RBFOX3: variants seen among roughly 807,000 people sequenced by gnomAD.
RBFOX3 encodes RNA binding protein fox-1 homolog 3.
In RBFOX3, 17 loss-of-function variants were observed where a neutral mutation model predicts 48.7. That is an observed-to-expected ratio of 0.35 (90% CI 0.24 to 0.52). RBFOX3 has a LOEUF of 0.52. RBFOX3 is among the 20% of genes least tolerant of loss of function. The pLI is 0.94. For missense variants in RBFOX3, 382 were observed against 497.5 expected (o/e 0.77, Z 2.21); for synonymous variants, 212 against 209.5 (o/e 1.01, Z -0.10).
At chr17:79,656,808 AAAGAAAGAG>A in the RBFOX3 span, among the ~76,000 whole-genome samples, 2,012 of 6,926 alleles carry the variant, frequency 0.29, 84 homozygotes, top group Non-Finnish European at 0.31. Flanking sequence ...GAAAGAAAGA[AAAGAAAGAG>A]AAAGAAAGAA....
intron 3 of RBFOX3, among the ~76,000 whole-genome samples, chr17:79,238,064 G>A (rs2061851407): frequency 6.6e-6 from 1 of 152,204 alleles, no homozygotes; most frequent in South Asian, 2.1e-4. Flanking sequence ...AGCCTCCGAA[G>A]TAGCTGGGAT....
rs540321097 is a variant in RBFOX3, at chr17:79,167,924, C to A, written c.-33-52176G>T. Reference sequence around the variant, plus strand: ...GCTCTATGGATTTCCGAGGAGGGGGCAGGACAAAGATGGGCCTCCCCCAGG... The same window carrying A: ...GCTCTATGGATTTCCGAGGAGGGGGAAGGACAAAGATGGGCCTCCCCCAGG... On this transcript the variant is annotated intron_variant, in intron 4 of 14. Transcript: ENST00000693108. Among the ~76,000 whole-genome samples the A allele has an allele frequency of 5.2e-4, 79 of 152,354 alleles. 1 individual carries two copies. The highest frequency in any genetic ancestry group is 1.9e-3 in the African/African-American group (78 of 41,590).
chr17:79,652,867 C>A, the RBFOX3 span, among the ~76,000 whole-genome samples: 1 of 151,982 alleles, frequency 6.6e-6, no homozygotes, highest in African/African-American at 2.4e-5. Flanking sequence ...TAAGACCATT[C>A]CAAGTGTCCA....
intron 1 of RBFOX3, among the ~76,000 whole-genome samples, chr17:79,596,610 T>C (rs921928063): frequency 6.6e-6 from 1 of 152,042 alleles, no homozygotes; most frequent in African/African-American, 2.4e-5. Flanking sequence ...CAAATGTTGA[T>C]TGAGAATGGA....
rs1387451068 is a variant in RBFOX3 at position 79,103,413 on chromosome 17, C to T, written c.415-159G>A. ...TGAGTTGAGGCAGAGACGCAGGCAG[C>T]CCAGAGGTCTGTCCTAGGGCCACCG... On this transcript the variant is annotated intron_variant, in intron 7 of 14. Coordinates refer to ENST00000693108, the MANE Select transcript of RBFOX3 (RefSeq NM_001350451.2). This position sits in a 1 kb window ranked among gnomAD's most constrained non-coding sequence, Gnocchi z 6.1. Among the ~76,000 whole-genome samples the T allele has an allele frequency of 6.6e-6, 1 of 152,036 alleles. No individual in the cohort carries two copies. The highest frequency in any genetic ancestry group is 1.5e-5 in the Non-Finnish European group (1 of 67,970).
At chr17:79,614,300 C>T (rs1365007123), upstream of RBFOX3, among the ~76,000 whole-genome samples, 19 of 151,904 alleles carry the variant, frequency 1.3e-4, no homozygotes, top group African/African-American at 4.6e-4. Flanking sequence ...GCACGGAGAG[C>T]CCCCCTTTTC....
intron 2 of RBFOX3, among the ~76,000 whole-genome samples, chr17:79,438,373 G>T (rs1406313103): frequency 6.6e-6 from 1 of 152,184 alleles, no homozygotes; most frequent in African/African-American, 2.4e-5. Flanking sequence ...GTTTTTCATG[G>T]AAGGATCAAG....
intron 2 of RBFOX3, among the ~76,000 whole-genome samples, chr17:79,462,206 T>G (rs782345132): frequency 6.6e-6 from 1 of 152,164 alleles, no homozygotes; most frequent in Non-Finnish European, 1.5e-5. Context: ...CCGCAAATAG[T>G]ACGTGGCCAA....
chr17:79,104,001 G>A (rs1016907594), intron 7 of RBFOX3, 72 bp downstream of exon 7: 6 of 1,339,122 alleles, frequency 4.5e-6, no homozygotes, highest in Admixed American at 2.0e-5. Flanking sequence ...GGAAGGAAAC[G>A]CACATTTCAC....
At chr17:79,539,163 GCAA>G (rs2089307044) in intron 1 of RBFOX3, among the ~76,000 whole-genome samples, 1 of 152,144 alleles carries the variant, frequency 6.6e-6, no homozygotes, top group African/African-American at 2.4e-5. Flanking sequence ...ACCAGCCTGG[GCAA>G]CATAGCAAAA....
chr17:79,450,259 C>G (rs1555740707), intron 2 of RBFOX3, among the ~76,000 whole-genome samples: 2 of 152,212 alleles, frequency 1.3e-5, no homozygotes. Context: ...GGAAAAGAGG[C>G]CATTTCCAAT....
chr17:79,392,026 T>C lies in RBFOX3; in HGVS notation c.-174-84202A>G, dbSNP rs1413251305. Among the ~76,000 whole-genome samples the C allele has an allele frequency of 2.0e-5, 3 of 152,108 alleles. No homozygotes were observed. Among genetic ancestry groups the C allele is most frequent in the Admixed American group, 6.5e-5 (1 of 15,274 alleles). On this transcript the variant is annotated intron_variant, in intron 2 of 14. Coordinates refer to ENST00000693108, the MANE Select transcript of RBFOX3 (RefSeq NM_001350451.2). This position sits in a 1 kb window ranked among gnomAD's most constrained non-coding sequence, Gnocchi z 5.0. ...CCCGCGATGGTCAGGCTTTCTGCCGTCTTGGAAACAGACACCGACAAGCAA... is the reference window on the plus strand; with the variant it reads ...CCCGCGATGGTCAGGCTTTCTGCCGCCTTGGAAACAGACACCGACAAGCAA...
intron 4 of RBFOX3, among the ~76,000 whole-genome samples, chr17:79,229,097 C>G (rs189166645): frequency 4.6e-4 from 69 of 151,314 alleles, no homozygotes; most frequent in Non-Finnish European, 9.6e-4. Flanking sequence ...GGCGTGGTGG[C>G]ATACGCCTGT....
At chr17:79,527,603 T>C (rs1160004344) in intron 1 of RBFOX3, among the ~76,000 whole-genome samples, 2 of 152,226 alleles carry the variant, frequency 1.3e-5, no homozygotes, top group Non-Finnish European at 2.9e-5. Context: ...TTTCTATACA[T>C]TATTCCCTCC....
chr17:79,558,859 T>C (rs2091973322), intron 1 of RBFOX3, among the ~76,000 whole-genome samples: 1 of 152,004 alleles, frequency 6.6e-6, no homozygotes, highest in Non-Finnish European at 1.5e-5. Context: ...AGGGCCAGCA[T>C]GGAGGGCACA....
Position 79,402,959 on chromosome 17 carries a change from G to C in RBFOX3, c.-175+79495C>G, listed in dbSNP as rs999628188. Among the ~76,000 whole-genome samples, 3 of 152,172 alleles carry C rather than the reference G, an allele frequency of 2.0e-5. No homozygotes were observed. The East Asian group carries it at 5.8e-4, about 29-fold the overall frequency. The stretch of plus-strand genomic sequence containing the variant: ...ACAGGACGTGCCCGGCAAAGAGAAG[G>C]CTCATCAGGATCGCCATCAGATCAT... On this transcript the variant is annotated intron_variant, in intron 2 of 14. Transcript: ENST00000693108.
intron 2 of RBFOX3, among the ~76,000 whole-genome samples, chr17:79,478,153 T>C (rs1048855112): frequency 2.0e-5 from 3 of 151,980 alleles, no homozygotes; most frequent in African/African-American, 7.3e-5. Flanking sequence ...CCCTCAAGGG[T>C]GCCATGCTCC....
intron 4 of RBFOX3, among the ~76,000 whole-genome samples, chr17:79,215,613 T>G (rs1009998273): frequency 5.3e-5 from 8 of 152,006 alleles, no homozygotes; most frequent in Admixed American, 3.3e-4. Context: ...ACCCCTGGTG[T>G]GCGGGGACTC....
chr17:79,172,362 G>A lies in RBFOX3; in HGVS notation c.-33-56614C>T, dbSNP rs542434196. Among the ~76,000 whole-genome samples the A allele has an allele frequency of 8.5e-5, 13 of 152,268 alleles. No homozygotes were observed. The East Asian group carries it at 2.5e-3, about 29-fold the overall frequency. ...ATTTTGCCCACTTTGCCACAGGTAG[G>A]TGAAACCTTTGTCACAGACACAGCG... On this transcript the variant is annotated intron_variant, in intron 4 of 14. Transcript: ENST00000693108.
Sources: gnomAD v4.1 joint callset for allele counts (sites outside exome capture counted in the v4.1 genomes callset) on GRCh38, gnomAD v4.1.1 for gene constraint, Gnocchi (gnomAD v3.1) non-coding constraint, MANE v1.5 for transcripts, NCBI Gene and HGNC (gene_info 2026-07-23, HGNC 2026-07-21) for gene names.